The following TUBGCP4 variants were observed in gnomAD, a reference collection of about 807,000 sequenced individuals.
The protein encoded by TUBGCP4 is gamma-tubulin complex component 4.
A neutral mutation model predicts 91.6 loss-of-function variants in TUBGCP4; 54 were observed. The ratio of observed to expected loss-of-function variants is 0.59; its 90% CI spans 0.47 to 0.74. TUBGCP4 has a LOEUF of 0.74. Ranked by LOEUF, TUBGCP4 falls within the 30% of genes least tolerant of loss-of-function variation. The pLI, the probability that TUBGCP4 is intolerant of heterozygous loss-of-function variation, is 0.00. For synonymous variants in TUBGCP4, 297 were observed against 302.8 expected (o/e 0.98, Z 0.20); for missense variants, 593 against 800.9 (o/e 0.74, Z 3.13).
intron 5 of TUBGCP4, 35 bp from the exon 6 acceptor site, chr15:43,380,049 T>C: frequency 6.2e-7 from 1 of 1,600,242 alleles, no homozygotes; most frequent in Admixed American, 1.7e-5. Context: ...ACTCTTAGAA[T>C]GGAATCCAGT....
chr15:43,373,939 A>G (rs1406661798), intron 1 of TUBGCP4, among the ~76,000 whole-genome samples: 1 of 152,172 alleles, frequency 6.6e-6, no homozygotes, highest in Admixed American at 6.5e-5. Context: ...GGCGTGAGCC[A>G]CTGCGCCCGG....
intron 15 of TUBGCP4, chr15:43,402,771 G>T (rs2044714487): frequency 6.6e-6 from 1 of 152,178 alleles, no homozygotes; most frequent in African/African-American, 2.4e-5. Flanking sequence ...CCAGGATAAA[G>T]AACAGGAAGA....
intron 9 of TUBGCP4, among the ~76,000 whole-genome samples, 200 bp downstream of exon 9, chr15:43,386,530 G>C (rs550203134): frequency 3.4e-4 from 50 of 148,376 alleles, no homozygotes; most frequent in African/African-American, 1.1e-3. Context: ...TTCAAGACCA[G>C]CCCGGCCAAC....
Position 43,407,083 on chromosome 15 carries a change from C to A in TUBGCP4, c.*1869C>A. The A allele has an allele frequency of 3.3e-6, 1 of 305,020 alleles. No individual in the cohort carries two copies. The highest frequency in any genetic ancestry group is 6.2e-6 in the Non-Finnish European group (1 of 161,710). The allele number at this position is 305,020 out of a possible 1,614,324, so 18.9% of individuals were successfully genotyped here. A position where few individuals can be genotyped will look rare whatever the true frequency, so the allele number is the denominator to read the frequency against. On this transcript the variant is annotated 3_prime_UTR_variant, in exon 18 of 18. Coordinates refer to ENST00000564079, the MANE Select transcript of TUBGCP4 (RefSeq NM_014444.5). ...ATGATGCCACAGAATAAAGTTCACT[C>A]TTAACTTTTCAATTTCCTTGGCCAG...
intron 9 of TUBGCP4, among the ~76,000 whole-genome samples, chr15:43,390,917 T>A (rs12323999): frequency 0.28 from 42,272 of 151,824 alleles, 9,723 homozygotes; most frequent in African/African-American, 0.63. Context: ...CCAGGCTCAA[T>A]CAATTTTCCC....
intron 1 of TUBGCP4, 76 bp downstream of exon 1, chr15:43,371,508 T>C (rs751724079): frequency 8.4e-5 from 123 of 1,469,650 alleles, no homozygotes; most frequent in Non-Finnish European, 1.1e-4. Flanking sequence ...GGGAGTAGGC[T>C]GAGGGACCTA....
chr15:43,389,068 G>A (rs143582127), intron 9 of TUBGCP4, among the ~76,000 whole-genome samples: 121 of 152,244 alleles, frequency 7.9e-4, no homozygotes, highest in Admixed American at 2.2e-3. Context: ...CACTCAGTTC[G>A]TTCCATTTCT....
intron 13 of TUBGCP4, among the ~76,000 whole-genome samples, chr15:43,398,621 T>C (rs1314323880): frequency 6.6e-6 from 1 of 152,162 alleles, no homozygotes; most frequent in East Asian, 1.9e-4. Context: ...TTGTGAGCTC[T>C]GGAAAATAAG....
chr15:43,409,616 C>T lies in TUBGCP4; in HGVS notation c.*4402C>T. 1 of 1,252,424 alleles carries T rather than the reference C, an allele frequency of 8.0e-7. No homozygotes were observed. The highest frequency in any genetic ancestry group is 1.1e-6 in the Non-Finnish European group (1 of 902,772). The allele number at this position is 1,252,424 out of a possible 1,614,324, so 77.6% of individuals were successfully genotyped here. On this transcript the variant is annotated 3_prime_UTR_variant, in exon 18 of 18. Transcript: ENST00000564079. ...AGCAAGTTGGCTCTTATCATTGCCA[C>T]TATATTAGGTTACACAAAGAAACTC...
chr15:43,409,173 T>C lies in TUBGCP4; in HGVS notation c.*3959T>C, dbSNP rs2045029501. ...CCTAAGCAGCAGCCATAATGAGCCA[T>C]GAAGAGCAGATCTGAAGACTCCCAA... is the stretch of plus-strand genomic sequence containing the variant. On this transcript the variant is annotated 3_prime_UTR_variant, in exon 18 of 18. Transcript: ENST00000564079. 1.7e-5 allele frequency: 23 copies of C among 1,391,986 alleles called. No homozygotes were observed. The highest frequency in any genetic ancestry group is 3.7e-4 in the Middle Eastern group (2 of 5,350). The allele number at this position is 1,391,986 out of a possible 1,614,324, so 86.2% of individuals were successfully genotyped here.
At chr15:43,385,184 C>G (rs927475087) in intron 7 of TUBGCP4, among the ~76,000 whole-genome samples, 5 of 152,160 alleles carry the variant, frequency 3.3e-5, no homozygotes, top group African/African-American at 4.8e-5. Flanking sequence ...CTCCAGCTTA[C>G]TTTAAATCTA....
chr15:43,377,955 C>A, intron 5 of TUBGCP4, 52 bp downstream of exon 5: 1 of 1,381,692 alleles, frequency 7.2e-7, no homozygotes, highest in Non-Finnish European at 9.9e-7. Flanking sequence ...GGGAATATTA[C>A]TAATTAATTT....
chr15:43,395,650 A>C lies in TUBGCP4; in HGVS notation c.1133A>C (p.His378Pro), dbSNP rs1242790785. 1 of 1,614,116 alleles carries C rather than the reference A, an allele frequency of 6.2e-7. No individual in the cohort carries two copies. Reference sequence around the variant, plus strand: ...CAGGCCTTCATTGACACAGCTCAACACATGTTGAAAACACCACCCACTGCA... The same window carrying C: ...CAGGCCTTCATTGACACAGCTCAACCCATGTTGAAAACACCACCCACTGCA... ...LFQAFIDTAQ[H>P]MLKTPPTAVT... is the part of the protein sequence containing the mutation. The change falls in exon 11 of 18, where the codon CAC becomes CCC. Residue 378 changes from histidine to proline, a missense_variant. His to Pro is a moderately conservative substitution (Grantham distance 77, BLOSUM62 -2). Transcript: ENST00000564079.
At chr15:43,377,819 A>G (rs375113504) in intron 4 of TUBGCP4, 28 bp from the exon 5 acceptor site, 16 of 1,551,446 alleles carry the variant, frequency 1.0e-5, no homozygotes, top group Admixed American at 1.9e-5. Flanking sequence ...TTGATTACAT[A>G]CCCTTCTAAT....
rs1183303409 is a variant in TUBGCP4, at chr15:43,406,085, A to AG, written c.*873dup. ...AAAAAAGTATTATTCTCCAAGAAAA[A>AG]GGTCCTTAAGAAAAAATTGAGATCA... is the stretch of plus-strand genomic sequence containing the variant. On this transcript the variant is annotated 3_prime_UTR_variant, in exon 18 of 18. Coordinates refer to ENST00000564079, the MANE Select transcript of TUBGCP4 (RefSeq NM_014444.5). 6.6e-6 allele frequency: 1 copy of AG among 151,484 alleles called. No homozygotes were observed. Among genetic ancestry groups the AG allele is most frequent in the Non-Finnish European group, 1.5e-5 (1 of 67,936 alleles). 9.4% of individuals were successfully genotyped at this position (151,484 alleles called of 1,614,324 possible). A position where few individuals can be genotyped will look rare whatever the true frequency, so the allele number is the denominator to read the frequency against.
rs371309743 is a variant in TUBGCP4, at chr15:43,385,832, G to A, written c.765G>A (p.Lys255=). 5 of 1,614,178 alleles carry A rather than the reference G, an allele frequency of 3.1e-6. No homozygotes were observed. The highest frequency in any genetic ancestry group is 4.2e-6 in the Non-Finnish European group (5 of 1,180,034). ...AGAACATGCTGGCACCATCTCTGAA[G>A]CAGTTTTCCCTACGAGTGGAGATTT... The part of the protein sequence containing the change: ...EEENMLAPSL[K]QFSLRVEILP... Residue 255 remains lysine (K), a synonymous_variant, in exon 8 of 18, where the codon AAG becomes AAA. Coordinates refer to ENST00000564079, the MANE Select transcript of TUBGCP4 (RefSeq NM_014444.5).
At position 43,408,097 on chromosome 15, in the gene TUBGCP4, G is replaced by T. The variant is rs193220357; in HGVS notation, c.*2883G>T. The T allele has an allele frequency of 1.9e-3, 3,122 of 1,613,398 alleles. 33 individuals are homozygous for T. The highest frequency in any genetic ancestry group is 4.2e-3 in the South Asian group (383 of 90,934). ...GATTTTCACGGGGTTGCCTATGAAGGAGACAGGAAAGGACCTTAGCATGAC... is the reference window on the plus strand; with the variant it reads ...GATTTTCACGGGGTTGCCTATGAAGTAGACAGGAAAGGACCTTAGCATGAC... On this transcript the variant is annotated 3_prime_UTR_variant, in exon 18 of 18. Coordinates refer to ENST00000564079, the MANE Select transcript of TUBGCP4 (RefSeq NM_014444.5).
In TUBGCP4 at chr15:43,408,895, A is replaced by G; in HGVS notation, c.*3681A>G. On this transcript the variant is annotated 3_prime_UTR_variant, in exon 18 of 18. Coordinates refer to ENST00000564079, the MANE Select transcript of TUBGCP4 (RefSeq NM_014444.5). ...AATTCTGGATGGGCTTCAAATACTT[A>G]CCAGTCCAGAATTCTTTGCTCCTCA... 6.2e-7 allele frequency: 1 copy of G among 1,614,028 alleles called. No homozygotes were observed. The highest frequency in any genetic ancestry group is 8.5e-7 in the Non-Finnish European group (1 of 1,179,938).
chr15:43,397,410 T>C, intron 12 of TUBGCP4, 89 bp downstream of exon 12: 1 of 996,994 alleles, frequency 1.0e-6, no homozygotes, highest in Non-Finnish European at 1.6e-6. Context: ...ACAGAAACCA[T>C]ATGATTTTGG....
Sources: gnomAD v4.1 joint callset for allele counts (sites outside exome capture counted in the v4.1 genomes callset) on GRCh38, gnomAD v4.1.1 for gene constraint, MANE v1.5 for transcripts, NCBI Gene and HGNC (gene_info 2026-07-23, HGNC 2026-07-21) for gene names.